LRP6: variants seen among roughly 807,000 people sequenced by gnomAD.
LRP6 encodes the protein LDL receptor related protein 6, also known as low-density lipoprotein receptor-related protein 6.
A neutral mutation model predicts 184.1 loss-of-function variants in LRP6; 43 were observed. The ratio of observed to expected loss-of-function variants is 0.23; its 90% CI spans 0.18 to 0.30. The LOEUF (loss-of-function observed/expected upper bound fraction) is 0.30, where lower values mean the gene tolerates loss of function less well. Among genes scored for constraint, LRP6 ranks in the 10% least tolerant of loss-of-function variants. The pLI is 1.00. For synonymous variants in LRP6, 719 were observed against 684.9 expected (o/e 1.05, Z -0.78); for missense variants, 1,571 against 2,005.3 (o/e 0.78, Z 4.14).
intron 15 of LRP6, among the ~76,000 whole-genome samples, chr12:12,146,599 C>A (rs550136347): frequency 6.6e-6 from 1 of 152,152 alleles, no homozygotes; most frequent in Non-Finnish European, 1.5e-5. Context: ...GTAAACGCCA[C>A]GATGAGGTTG....
intron 2 of LRP6, among the ~76,000 whole-genome samples, chr12:12,236,852 T>C (rs1864942780): frequency 6.6e-6 from 1 of 152,048 alleles, no homozygotes; most frequent in African/African-American, 2.4e-5. Context: ...TCCATCCTAA[T>C]GAAACATGAA....
At chr12:12,254,565 T>C (rs1225198862) in intron 1 of LRP6, among the ~76,000 whole-genome samples, 6 of 152,224 alleles carry the variant, frequency 3.9e-5, no homozygotes, top group Non-Finnish European at 4.4e-5. Context: ...AAAACTCTTA[T>C]TATTTTTATT....
intron 2 of LRP6, among the ~76,000 whole-genome samples, chr12:12,238,320 A>G (rs1488130685): frequency 6.6e-6 from 1 of 152,032 alleles, no homozygotes; most frequent in Non-Finnish European, 1.5e-5. Context: ...AAAGGAACAC[A>G]TATCAAACAA....
rs1196570854 is a variant in LRP6 at position 12,147,324 on chromosome 12, TA to T, written c.3397+41del. ...GAAAAACACAATAGATGAATCATCT[TA>T]AAAACTCAAATTAAAATAAGGAAAC... On this transcript the variant is annotated intron_variant, in intron 15 of 22. Coordinates refer to ENST00000261349, the MANE Select transcript of LRP6 (RefSeq NM_002336.3). 17 of 1,601,602 alleles carry T rather than the reference TA, an allele frequency of 1.1e-5. No homozygotes were observed. In the Admixed American group the frequency reaches 2.8e-4, roughly 27 times the overall value.
At chr12:12,124,939 T>C (rs76080499) in intron 21 of LRP6, among the ~76,000 whole-genome samples, 6 of 152,290 alleles carry the variant, frequency 3.9e-5, no homozygotes, top group Non-Finnish European at 5.9e-5. Context: ...TTATTTAAAA[T>C]AGTAAGTATT....
chr12:12,122,235 T>C (rs966353741), intron 22 of LRP6, among the ~76,000 whole-genome samples: 10 of 152,356 alleles, frequency 6.6e-5, no homozygotes, highest in Middle Eastern at 6.8e-3. Flanking sequence ...AGAAACATAC[T>C]AGTGAAAATA....
intron 14 of LRP6, 66 bp downstream of exon 14, chr12:12,148,876 G>T: frequency 9.0e-7 from 1 of 1,115,996 alleles, no homozygotes; most frequent in South Asian, 1.2e-5. Context: ...TAAATAACAG[G>T]CTGAAAAAGA....
At chr12:12,253,084 C>T (rs1473297854) in intron 1 of LRP6, among the ~76,000 whole-genome samples, 2 of 152,164 alleles carry the variant, frequency 1.3e-5, no homozygotes, top group Middle Eastern at 3.4e-3. Context: ...GCCAACATGG[C>T]GAAACCCTGT....
At chr12:12,262,118 C>T (rs922250963) in intron 1 of LRP6, among the ~76,000 whole-genome samples, 1 of 152,132 alleles carries the variant, frequency 6.6e-6, no homozygotes, top group Non-Finnish European at 1.5e-5. Flanking sequence ...GTGGCTCACA[C>T]CTGTAATCCC....
chr12:12,130,462 A>G (rs1279821917), intron 19 of LRP6, among the ~76,000 whole-genome samples: 5 of 152,248 alleles, frequency 3.3e-5, no homozygotes, highest in Non-Finnish European at 7.3e-5. Context: ...CTGGGATTAC[A>G]GGTGTGAGCC....
intron 1 of LRP6, among the ~76,000 whole-genome samples, chr12:12,258,266 G>A (rs1809031618): frequency 6.6e-6 from 1 of 152,112 alleles, no homozygotes; most frequent in Non-Finnish European, 1.5e-5. Context: ...ACAGGCATGT[G>A]CCATCGTGAC....
chr12:12,129,656 G>A (rs1431098668), intron 19 of LRP6, among the ~76,000 whole-genome samples: 4 of 151,820 alleles, frequency 2.6e-5, no homozygotes, highest in African/African-American at 7.3e-5. Flanking sequence ...GGGTTCAAAC[G>A]ATTCTCTTGC....
chr12:12,205,325 CAAACAAAAAAA>C (rs1160227249), intron 2 of LRP6, among the ~76,000 whole-genome samples: 11 of 26,230 alleles, frequency 4.2e-4, no homozygotes, highest in Admixed American at 1.2e-3. Flanking sequence ...CTGTCTCAAA[CAAACAAAAAAA>C]AAAAAAAAAA....
At chr12:12,121,521 C>G in intron 22 of LRP6, 101 bp from the exon 23 acceptor site, 1 of 1,078,546 alleles carries the variant, frequency 9.3e-7, no homozygotes, top group Non-Finnish European at 1.4e-6. Context: ...CCTATGAAAA[C>G]AATAAGCTAC....
chr12:12,163,476 A>T (rs927766951), intron 9 of LRP6, among the ~76,000 whole-genome samples: 2 of 151,920 alleles, frequency 1.3e-5, no homozygotes, highest in African/African-American at 4.9e-5. Flanking sequence ...GGAAGAAGAA[A>T]AGATTATTCT....
At chr12:12,201,117 T>G (rs1166122140) in intron 3 of LRP6, among the ~76,000 whole-genome samples, 1 of 152,228 alleles carries the variant, frequency 6.6e-6, no homozygotes, top group Non-Finnish European at 1.5e-5. Flanking sequence ...TTCAAAAACC[T>G]AGTAGCTTGC....
rs761744803 is a variant in LRP6 at position 12,266,706 on chromosome 12, G to T, written c.30C>A (p.Ala10=). 11 of 1,613,716 alleles carry T rather than the reference G, an allele frequency of 6.8e-6. No homozygotes were observed. The highest frequency in any genetic ancestry group is 9.3e-6 in the Non-Finnish European group (11 of 1,179,916). The part of the protein sequence containing the change: MGAVLRSLL[A]CSFCVLLRAA... ...CTCTCAGGAGCACACAGAAGCTGCA[G>T]GCCAGGAGGCTCCTCAGGACGGCCC... The change falls in exon 1 of 23, where the codon GCC becomes GCA. Residue 10 remains alanine (A), a synonymous_variant. Coordinates refer to ENST00000261349, the MANE Select transcript of LRP6 (RefSeq NM_002336.3).
rs35341305 is a variant in LRP6, at chr12:12,180,240, CTTTTTTT to C, written c.1374-266_1374-260del. ...CAATAATGAGATTACAGTTTTACTT[CTTTTTTT>C]TTTTTTTTTTTTTAAATATTTTGTG... is the stretch of plus-strand genomic sequence containing the variant. On this transcript the variant is annotated intron_variant, in intron 6 of 22. Coordinates refer to ENST00000261349, the MANE Select transcript of LRP6 (RefSeq NM_002336.3). Among the ~76,000 whole-genome samples, 9 of 126,104 alleles carry C rather than the reference CTTTTTTT, an allele frequency of 7.1e-5. No homozygotes were observed. In the South Asian group the frequency reaches 2.3e-3, roughly 32 times the overall value. The allele number at this position is 126,104 out of a possible 152,430, so 82.7% of individuals were successfully genotyped here.
intron 7 of LRP6, among the ~76,000 whole-genome samples, chr12:12,176,397 A>G (rs889362324): frequency 1.3e-5 from 2 of 152,192 alleles, no homozygotes; most frequent in Non-Finnish European, 2.9e-5. Flanking sequence ...CCTCACATAT[A>G]TGTTATTCTA....
Sources: gnomAD v4.1 joint callset for allele counts (sites outside exome capture counted in the v4.1 genomes callset) on GRCh38, gnomAD v4.1.1 for gene constraint, MANE v1.5 for transcripts, NCBI Gene and HGNC (gene_info 2026-07-23, HGNC 2026-07-21) for gene names.